Variants in CHN2 observed in about 807,000 individuals in gnomAD.
CHN2 encodes chimerin 2.
In CHN2, 35 loss-of-function variants were observed where a neutral mutation model predicts 56.3. That is an observed-to-expected ratio of 0.62 (90% confidence interval 0.47 to 0.82). CHN2 has a LOEUF of 0.82. Among genes scored for constraint, CHN2 ranks in the 40% least tolerant of loss-of-function variants. The pLI is 0.00. For synonymous variants in CHN2, 210 were observed against 212.8 expected, an observed-to-expected ratio of 0.99 and a Z score of 0.12; for missense variants, 491 against 580.5, an observed-to-expected ratio of 0.85 and a Z score of 1.58.
At chr7:29,413,763 A>C (rs1803465196) in intron 6 of CHN2, among the ~76,000 whole-genome samples, 1 of 152,164 alleles carries the variant, frequency 6.6e-6, no homozygotes, top group Non-Finnish European at 1.5e-5. Flanking sequence ...TGTACTTTCC[A>C]CTGGACCACA....
intron 1 of CHN2, among the ~76,000 whole-genome samples, chr7:29,328,796 C>T (rs1414824950): frequency 6.6e-6 from 1 of 152,040 alleles, no homozygotes; most frequent in East Asian, 1.9e-4. Flanking sequence ...AGGTCAAATG[C>T]TTACAATAGC....
intron 1 of CHN2, among the ~76,000 whole-genome samples, chr7:29,282,552 A>G (rs1791807270): frequency 6.6e-6 from 1 of 152,234 alleles, no homozygotes; most frequent in Non-Finnish European, 1.5e-5. Flanking sequence ...AAAATAAATA[A>G]TGTTTTAACT....
intron 2 of CHN2, among the ~76,000 whole-genome samples, chr7:29,153,430 C>T (rs1305591759): frequency 6.6e-6 from 1 of 152,114 alleles, no homozygotes; most frequent in Non-Finnish European, 1.5e-5. Flanking sequence ...CTGGTTTTGC[C>T]ACCCCTGAGA....
chr7:29,426,085 T>C (rs1290785561), intron 6 of CHN2, among the ~76,000 whole-genome samples: 1 of 151,722 alleles, frequency 6.6e-6, no homozygotes, highest in Non-Finnish European at 1.5e-5. Flanking sequence ...GAGGCATGCC[T>C]GTAATCCCAG....
intron 6 of CHN2, 60 bp from the exon 7 acceptor site, chr7:29,480,219 A>G (rs1787020036): frequency 5.6e-6 from 9 of 1,613,924 alleles, no homozygotes; most frequent in Non-Finnish European, 7.6e-6. Context: ...CTTCGGGGTG[A>G]AGGTGGGTGT....
At chr7:29,175,315 C>T (rs1328882525) in intron 2 of CHN2, among the ~76,000 whole-genome samples, 2 of 152,214 alleles carry the variant, frequency 1.3e-5, no homozygotes, top group Admixed American at 1.3e-4. Flanking sequence ...GCTGGGATTA[C>T]AGGCGCATGC....
At chr7:29,212,585 C>A in intron 1 of CHN2, 2 of 1,413,062 alleles carry the variant, frequency 1.4e-6, no homozygotes, top group Non-Finnish European at 1.0e-6. Context: ...AGTCAAGAAA[C>A]AGAAGACCAG....
chr7:29,322,300 C>G (rs756850941), intron 1 of CHN2, among the ~76,000 whole-genome samples: 1 of 152,152 alleles, frequency 6.6e-6, no homozygotes, highest in African/African-American at 2.4e-5. Context: ...TGCTTTGTAG[C>G]AGGGGCAGTG....
intron 3 of CHN2, among the ~76,000 whole-genome samples, chr7:29,374,156 C>T (rs757526871): frequency 5.9e-5 from 9 of 151,936 alleles, no homozygotes; most frequent in Non-Finnish European, 1.0e-4. Context: ...TTTTTTTCCC[C>T]CTTAATGCCG....
chr7:29,425,091 CTA>C (rs1328119379), intron 6 of CHN2, among the ~76,000 whole-genome samples: 1 of 152,248 alleles, frequency 6.6e-6, no homozygotes, highest in Non-Finnish European at 1.5e-5. Flanking sequence ...ACAACCATCT[CTA>C]TGACAGCCAT....
At position 29,341,635 on chromosome 7, in the gene CHN2, C is replaced by T. The variant is rs939110395; in HGVS notation, c.50-12990C>T. On this transcript the variant is annotated intron_variant, in intron 1 of 12. Transcript: ENST00000222792. ...GAGGGAGAGAGGGAGGGGGGCATCT[C>T]AGTTAGTGAGATTTTACTTTATTTG... is the stretch of plus-strand genomic sequence containing the variant. Among the ~76,000 whole-genome samples the T allele has an allele frequency of 4.5e-4, 69 of 152,044 alleles. 1 individual carries two copies. Among genetic ancestry groups the T allele is most frequent in the African/African-American group, 1.6e-3 (65 of 41,392 alleles).
At chr7:29,315,684 C>T (rs531330007) in intron 1 of CHN2, among the ~76,000 whole-genome samples, 3 of 151,272 alleles carry the variant, frequency 2.0e-5, no homozygotes, top group South Asian at 2.1e-4. Flanking sequence ...ATTTTTTTTT[C>T]ATTCAACAAC....
chr7:29,409,157 C>T (rs1484800223), intron 6 of CHN2, among the ~76,000 whole-genome samples: 2 of 152,154 alleles, frequency 1.3e-5, no homozygotes, highest in East Asian at 1.9e-4. Flanking sequence ...ACGTGGGCAG[C>T]TCTGCGGGCC....
At chr7:29,318,199 G>A (rs1350765398) in intron 1 of CHN2, among the ~76,000 whole-genome samples, 1 of 152,136 alleles carries the variant, frequency 6.6e-6, no homozygotes, top group Non-Finnish European at 1.5e-5. Flanking sequence ...GTAGGCAGTT[G>A]GATCTTGGGG....
At chr7:29,160,424 G>A (rs979855) in intron 2 of CHN2, among the ~76,000 whole-genome samples, 17,491 of 152,052 alleles carry the variant, frequency 0.12, 1,132 homozygotes, top group East Asian at 0.17. Context: ...TTTTAGTTTG[G>A]GCAATAATGT....
At chr7:29,388,442 C>T (rs973124130) in intron 3 of CHN2, among the ~76,000 whole-genome samples, 33 of 152,216 alleles carry the variant, frequency 2.2e-4, no homozygotes, top group Admixed American at 2.2e-3. Context: ...TAGCAACTGA[C>T]TGGCTGTCTG....
intron 1 of CHN2, among the ~76,000 whole-genome samples, chr7:29,242,663 C>T (rs1436423064): frequency 7.3e-6 from 1 of 137,918 alleles, no homozygotes; most frequent in African/African-American, 2.7e-5. Flanking sequence ...TAATTAAGAG[C>T]AAACTTAGAT....
intron 2 of CHN2, among the ~76,000 whole-genome samples, chr7:29,176,737 A>G (rs1269291617): frequency 6.6e-6 from 1 of 152,226 alleles, no homozygotes; most frequent in Non-Finnish European, 1.5e-5. Flanking sequence ...AGTATAAAAC[A>G]ACAAATAATG....
intron 1 of CHN2, among the ~76,000 whole-genome samples, chr7:29,269,046 C>T (rs1028464191): frequency 2.0e-5 from 3 of 152,194 alleles, no homozygotes; most frequent in African/African-American, 7.2e-5. Context: ...AAACATTTCT[C>T]ATTACTTTGT....
Sources: allele counts gnomAD v4.1 joint callset (sites outside exome capture counted in the v4.1 genomes callset), GRCh38; gene constraint gnomAD v4.1.1; transcripts MANE v1.5; gene names NCBI Gene and HGNC (gene_info 2026-07-23, HGNC 2026-07-21).